SUMF1: variants seen among roughly 807,000 people sequenced by gnomAD.
SUMF1 encodes sulfatase modifying factor 1, also known as formylglycine-generating enzyme.
In SUMF1, 48 loss-of-function variants were observed where a neutral mutation model predicts 47.6. The ratio of observed to expected loss-of-function variants is 1.01; its 90% confidence interval spans 0.80 to 1.28. The LOEUF is 1.28. Ranked by LOEUF, SUMF1 falls within the 50% of genes most tolerant of loss-of-function variation. The pLI, the probability that SUMF1 is intolerant of heterozygous loss-of-function variation, is 0.00. For missense variants in SUMF1, 571 were observed against 485.4 expected (o/e 1.18, Z -1.66); for synonymous variants, 230 against 192.1 (o/e 1.20, Z -1.63).
intron 9 of SUMF1, among the ~76,000 whole-genome samples, chr3:4,066,309 A>C (rs1309561662): frequency 6.6e-6 from 1 of 152,118 alleles, no homozygotes; most frequent in Non-Finnish European, 1.5e-5. Context: ...TTTTCATAAA[A>C]CGATCTTTTT....
intron 8 of SUMF1, among the ~76,000 whole-genome samples, chr3:4,097,492 G>A (rs1692932945): frequency 6.6e-6 from 1 of 152,106 alleles, no homozygotes; most frequent in Non-Finnish European, 1.5e-5. Context: ...GGCGGAGGTT[G>A]CAGTGAGCCA....
At chr3:4,277,195 A>G (rs1442598335) in intron 8 of SUMF1, among the ~76,000 whole-genome samples, 1 of 152,164 alleles carries the variant, frequency 6.6e-6, no homozygotes, top group Non-Finnish European at 1.5e-5. Flanking sequence ...TCTGAAGCAC[A>G]GGCAGGTCTA....
intron 9 of SUMF1, among the ~76,000 whole-genome samples, chr3:4,045,288 C>A (rs572380949): frequency 1.3e-5 from 2 of 152,062 alleles, no homozygotes; most frequent in Admixed American, 6.6e-5. Context: ...CTAGCCTCCC[C>A]CTCCTAACAG....
At chr3:4,093,715 G>T (rs1574876387) in intron 8 of SUMF1, among the ~76,000 whole-genome samples, 1 of 152,058 alleles carries the variant, frequency 6.6e-6, no homozygotes, top group South Asian at 2.1e-4. Flanking sequence ...AAACAGATTT[G>T]AATTTGTTTC....
intron 8 of SUMF1, among the ~76,000 whole-genome samples, chr3:4,138,576 G>C (rs1189521940): frequency 6.6e-6 from 1 of 152,092 alleles, no homozygotes; most frequent in Non-Finnish European, 1.5e-5. Flanking sequence ...AAAGCTCAGT[G>C]AGCTTCCCTA....
chr3:4,466,043 T>C (rs1488006295), intron 1 of SUMF1, among the ~76,000 whole-genome samples: 2 of 152,146 alleles, frequency 1.3e-5, no homozygotes, highest in South Asian at 2.1e-4. Flanking sequence ...TTTAGACCCA[T>C]AAGTTGTTTC....
intron 3 of SUMF1, among the ~76,000 whole-genome samples, chr3:4,442,315 G>A (rs953208701): frequency 6.6e-6 from 1 of 151,396 alleles, no homozygotes; most frequent in Non-Finnish European, 1.5e-5. Flanking sequence ...GAGTGCGGTG[G>A]CGCGATCTCG....
intron 8 of SUMF1, among the ~76,000 whole-genome samples, chr3:4,184,999 G>C (rs192904181): frequency 6.6e-6 from 1 of 152,044 alleles, no homozygotes; most frequent in East Asian, 1.9e-4. Context: ...ACTCCTCTCC[G>C]ATTTAAAATA....
intron 8 of SUMF1, among the ~76,000 whole-genome samples, chr3:4,301,218 T>G (rs999196590): frequency 6.6e-6 from 1 of 152,094 alleles, no homozygotes; most frequent in African/African-American, 2.4e-5. Flanking sequence ...GTAAAGGCAC[T>G]GGAGATACAA....
intron 8 of SUMF1, among the ~76,000 whole-genome samples, chr3:4,288,532 C>T (rs1697679596): frequency 6.6e-6 from 1 of 152,092 alleles, no homozygotes; most frequent in Non-Finnish European, 1.5e-5. Context: ...TTAGTATTGC[C>T]ATACAATCAC....
At chr3:4,132,242 C>T (rs1338900638) in intron 8 of SUMF1, among the ~76,000 whole-genome samples, 2 of 152,158 alleles carry the variant, frequency 1.3e-5, no homozygotes, top group African/African-American at 4.8e-5. Context: ...GTATTCCACA[C>T]AGCATTGTCT....
chr3:4,108,609 A>C lies in SUMF1; in HGVS notation c.1015-39864T>G, dbSNP rs184823358. ...TTGCTATATGAATCTGGGTGCTCCC[A>C]TATTGGGTGCATATATATTTAGGAT... On this transcript the variant is annotated intron_variant and NMD_transcript_variant, in intron 8 of 12. Coordinates refer to the SUMF1 transcript ENST00000448413. 2.0e-5 allele frequency among the ~76,000 whole-genome samples: 3 copies of C among 152,000 alleles called. No individual in the cohort carries two copies. In the South Asian group the frequency reaches 6.2e-4, roughly 32 times the overall value.
At chr3:4,172,086 C>T (rs1254947613) in intron 8 of SUMF1, among the ~76,000 whole-genome samples, 2 of 152,064 alleles carry the variant, frequency 1.3e-5, no homozygotes, top group Non-Finnish European at 2.9e-5. Flanking sequence ...AAACAGACTT[C>T]AAATAAGACA....
chr3:4,234,084 G>A (rs1334256321), intron 8 of SUMF1, among the ~76,000 whole-genome samples: 1 of 152,018 alleles, frequency 6.6e-6, no homozygotes, highest in Non-Finnish European at 1.5e-5. Context: ...TTCAAAAGAT[G>A]CACAATGCTA....
At chr3:4,356,761 G>T (rs1371459873), downstream of SUMF1, among the ~76,000 whole-genome samples, 3 of 152,162 alleles carry the variant, frequency 2.0e-5, no homozygotes, top group African/African-American at 7.2e-5. Flanking sequence ...ACACAAAAAT[G>T]CAAACATCCA....
At chr3:4,241,764 G>A (rs778320604) in intron 8 of SUMF1, among the ~76,000 whole-genome samples, 8 of 152,114 alleles carry the variant, frequency 5.3e-5, no homozygotes, top group African/African-American at 1.2e-4. Flanking sequence ...CAGTTTAATA[G>A]GCAAAAGAAA....
At chr3:4,419,490 T>A (rs947102797) in intron 4 of SUMF1, among the ~76,000 whole-genome samples, 8 of 152,188 alleles carry the variant, frequency 5.3e-5, no homozygotes, top group Non-Finnish European at 7.3e-5. Flanking sequence ...TTGCTCAATC[T>A]CCAGGGTTTA....
At chr3:4,188,812 T>C (rs571947031) in intron 8 of SUMF1, among the ~76,000 whole-genome samples, 1 of 152,332 alleles carries the variant, frequency 6.6e-6, no homozygotes, top group East Asian at 1.9e-4. Flanking sequence ...TAAAACATTT[T>C]GAATAGTGCC....
chr3:4,289,617 C>G (rs1048999165), intron 8 of SUMF1, among the ~76,000 whole-genome samples: 3 of 152,186 alleles, frequency 2.0e-5, no homozygotes, highest in African/African-American at 7.2e-5. Flanking sequence ...CCCCTCCATA[C>G]TCACCCTCCA....
Sources: gnomAD v4.1 joint callset for allele counts (sites outside exome capture counted in the v4.1 genomes callset) on GRCh38, gnomAD v4.1.1 for gene constraint, MANE v1.5 for transcripts, NCBI Gene and HGNC (gene_info 2026-07-23, HGNC 2026-07-21) for gene names.